The following CEP135 variants were observed in gnomAD, a reference collection of about 807,000 sequenced individuals.
The protein encoded by CEP135 is centrosomal protein of 135 kDa.
A neutral mutation model predicts 157.3 loss-of-function variants in CEP135; 142 were observed. That is an observed-to-expected ratio of 0.90 (90% CI 0.79 to 1.04). The LOEUF is 1.04. Ranked by LOEUF, CEP135 falls within the 50% of genes least tolerant of loss-of-function variation. The pLI is 0.00. For synonymous variants in CEP135, 396 were observed against 439.8 expected, an observed-to-expected ratio of 0.90 and a Z score of 1.25; for missense variants, 1,317 against 1,309.2, an observed-to-expected ratio of 1.01 and a Z score of -0.09.
chr4:55,986,304 A>C (rs1170643488), intron 14 of CEP135, among the ~76,000 whole-genome samples: 1 of 152,208 alleles, frequency 6.6e-6, no homozygotes, highest in Admixed American at 6.5e-5. Context: ...TGGGAGGCCA[A>C]GGTGAGGCAG....
chr4:56,011,655 A>G lies in CEP135; in HGVS notation c.2616+133A>G, dbSNP rs1055610376. 3.0e-5 allele frequency: 30 copies of G among 985,218 alleles called. No individual in the cohort carries two copies. The African/African-American group carries it at 3.2e-4, about 10-fold the overall frequency. 61.0% of individuals were successfully genotyped at this position (985,218 alleles called of 1,614,324 possible). ...TCTACTGCCTTTTTCTATTTTTCCC[A>G]TAGATTTTAGTGTGGTACCTGCACA... On this transcript the variant is annotated intron_variant, in intron 20 of 25. Transcript: ENST00000257287.
At chr4:55,975,692 G>A (rs1452336657) in intron 11 of CEP135, among the ~76,000 whole-genome samples, 1 of 152,106 alleles carries the variant, frequency 6.6e-6, no homozygotes, top group African/African-American at 2.4e-5. Context: ...TTGGAGTTCA[G>A]GAGTCTTGAA....
intron 3 of CEP135, 105 bp from the exon 4 acceptor site, chr4:55,954,111 G>C: frequency 1.0e-6 from 1 of 994,666 alleles, no homozygotes; most frequent in Non-Finnish European, 1.4e-6. Flanking sequence ...TAAGAAGCAG[G>C]TGGAGACTTT....
intron 24 of CEP135, among the ~76,000 whole-genome samples, chr4:56,021,289 C>CTA (rs1031881089): frequency 6.6e-6 from 1 of 152,116 alleles, no homozygotes; most frequent in African/African-American, 2.4e-5. Context: ...CACCAACAAT[C>CTA]TATTATTATG....
intron 13 of CEP135, among the ~76,000 whole-genome samples, chr4:55,983,714 G>C (rs2109688663): frequency 6.6e-6 from 1 of 152,048 alleles, no homozygotes; most frequent in South Asian, 2.1e-4. Context: ...GTAGAGACAG[G>C]GTTTCATCAT....
chr4:56,011,968 G>GA lies in CEP135; in HGVS notation c.2790dup (p.Glu931ArgfsTer13). On this transcript the variant is annotated frameshift_variant, in exon 21 of 26. Coordinates refer to ENST00000257287, the MANE Select transcript of CEP135 (RefSeq NM_025009.5). LOFTEE classifies it high-confidence loss of function. ...TCTTCGAGAAAGAGTGGAGCTATTA[G>GA]AAAAAGAAATTCAAGAGGTAATATA... 5 of 1,543,044 alleles carry GA rather than the reference G, an allele frequency of 3.2e-6. No individual in the cohort carries two copies. The highest frequency in any genetic ancestry group is 4.4e-6 in the Non-Finnish European group (5 of 1,148,740).
At chr4:55,988,113 A>T (rs960385206) in intron 14 of CEP135, among the ~76,000 whole-genome samples, 2 of 151,272 alleles carry the variant, frequency 1.3e-5, no homozygotes, top group African/African-American at 4.9e-5. Flanking sequence ...AAGCCTAAAT[A>T]AGTGGAGGAT....
chr4:55,989,846 G>C (rs1276911776), intron 14 of CEP135, among the ~76,000 whole-genome samples: 2 of 152,122 alleles, frequency 1.3e-5, no homozygotes, highest in Non-Finnish European at 2.9e-5. Flanking sequence ...CTTCATATCT[G>C]TTCCAAAAAA....
At chr4:55,980,340 G>A in intron 12 of CEP135, 45 bp downstream of exon 12, 2 of 1,266,728 alleles carry the variant, frequency 1.6e-6, no homozygotes, top group Non-Finnish European at 2.2e-6. Context: ...TATAGAACCA[G>A]TTAACTATAA....
At chr4:56,025,727 A>C (rs547486588) in intron 25 of CEP135, among the ~76,000 whole-genome samples, 70 of 152,302 alleles carry the variant, frequency 4.6e-4, no homozygotes, top group Middle Eastern at 3.4e-3. Flanking sequence ...AGAGACCAGT[A>C]AGTGGTATGA....
Position 56,011,379 on chromosome 4 carries a change from A to G in CEP135, c.2506-33A>G, listed in dbSNP as rs1227929043. 8 of 1,402,856 alleles carry G rather than the reference A, an allele frequency of 5.7e-6. No individual in the cohort carries two copies. In the Admixed American group the frequency reaches 7.7e-5, roughly 14 times the overall value. 86.9% of individuals were successfully genotyped at this position (1,402,856 alleles called of 1,614,324 possible). ...ATAAAATTTATTTGGTGTTGTGTTCATTTTAGATTGTCTTTAATTTTCTGA... is the reference window on the plus strand; with the variant it reads ...ATAAAATTTATTTGGTGTTGTGTTCGTTTTAGATTGTCTTTAATTTTCTGA... On this transcript the variant is annotated intron_variant, in intron 19 of 25. Coordinates refer to ENST00000257287, the MANE Select transcript of CEP135 (RefSeq NM_025009.5).
chr4:56,009,223 G>A lies in CEP135; in HGVS notation c.2337-512G>A, dbSNP rs188112568. ...GTTGCCCAGGCTGGAGTGCAGTGGGGCGATCTCGGCTCATTGCAAGCTCTG... is the reference window on the plus strand; with the variant it reads ...GTTGCCCAGGCTGGAGTGCAGTGGGACGATCTCGGCTCATTGCAAGCTCTG... On this transcript the variant is annotated intron_variant, in intron 18 of 25. Transcript: ENST00000257287. Among the ~76,000 whole-genome samples the A allele has an allele frequency of 5.6e-3, 855 of 152,268 alleles. 2 individuals are homozygous for A. The highest frequency in any genetic ancestry group is 0.02 in the Middle Eastern group (6 of 294).
chr4:55,959,687 A>G lies in CEP135; in HGVS notation c.620A>G (p.Gln207Arg), dbSNP rs138715248. 7 of 1,613,866 alleles carry G rather than the reference A, an allele frequency of 4.3e-6. No homozygotes were observed. In the Middle Eastern group the frequency reaches 6.6e-4, roughly 152 times the overall value. ...TAATTTAAAGTGCTTTTCAGGATTC[A>G]AGAACTTCAACAGGAAGTCCACCAG... ...DLLQVADNRI[Q>R]ELQQEVHQLQ... Residue 207 changes from glutamine (Q) to arginine (R), a missense_variant, in exon 6 of 26, where the codon CAA (glutamine) becomes CGA (arginine). By Grantham distance (43) the Gln-to-Arg change is conservative (BLOSUM62 1). Coordinates refer to ENST00000257287, the MANE Select transcript of CEP135 (RefSeq NM_025009.5).
intron 18 of CEP135, 132 bp downstream of exon 18, chr4:56,008,514 A>ACCT: frequency 1.5e-6 from 1 of 671,358 alleles, no homozygotes; most frequent in East Asian, 2.7e-5. Context: ...TGGTAGCATC[A>ACCT]TTTTCTCAGT....
chr4:56,013,989 G>A (rs118109249), intron 21 of CEP135, among the ~76,000 whole-genome samples: 1 of 152,164 alleles, frequency 6.6e-6, no homozygotes, highest in South Asian at 2.1e-4. Flanking sequence ...GCAAAGATTA[G>A]AGTGATATGT....
At chr4:56,011,163 A>G (rs1040593087) in intron 19 of CEP135, among the ~76,000 whole-genome samples, 1 of 152,142 alleles carries the variant, frequency 6.6e-6, no homozygotes, top group Non-Finnish European at 1.5e-5. Flanking sequence ...TGAGCCCAGA[A>G]GGTCGAGGCT....
At chr4:55,972,667 A>G (rs1369988465) in intron 10 of CEP135, among the ~76,000 whole-genome samples, 1 of 152,210 alleles carries the variant, frequency 6.6e-6, no homozygotes, top group Non-Finnish European at 1.5e-5. Context: ...GCTAATGATG[A>G]CACCTACCCT....
Position 56,000,976 on chromosome 4 carries a change from G to A in CEP135, c.2280+1331G>A, listed in dbSNP as rs936358107. Among the ~76,000 whole-genome samples, 8 of 151,924 alleles carry A rather than the reference G, an allele frequency of 5.3e-5. 1 individual carries two copies. Among genetic ancestry groups the A allele is most frequent in the African/African-American group, 1.9e-4 (8 of 41,376 alleles). ...TGGGGTGAGACGATATCTCATTGTGGTTTTAATTTGCATTTCTCTGATAAT... is the reference window on the plus strand; with the variant it reads ...TGGGGTGAGACGATATCTCATTGTGATTTTAATTTGCATTTCTCTGATAAT... On this transcript the variant is annotated intron_variant, in intron 17 of 25. Coordinates refer to ENST00000257287, the MANE Select transcript of CEP135 (RefSeq NM_025009.5).
chr4:55,981,909 A>G (rs1413471229), intron 13 of CEP135, among the ~76,000 whole-genome samples: 2 of 152,312 alleles, frequency 1.3e-5, no homozygotes, highest in South Asian at 2.1e-4. Context: ...AAAGTCTTAT[A>G]TTGAAAAATC....
Sources: gnomAD v4.1 joint callset for allele counts (sites outside exome capture counted in the v4.1 genomes callset) on GRCh38, gnomAD v4.1.1 for gene constraint, MANE v1.5 for transcripts, NCBI Gene and HGNC (gene_info 2026-07-23, HGNC 2026-07-21) for gene names.